CTNNA3: variants seen among roughly 807,000 people sequenced by gnomAD.
CTNNA3 encodes catenin alpha 3, also known as catenin alpha-3.
In CTNNA3, 76 loss-of-function variants were observed where a neutral mutation model predicts 95.7. The observed-to-expected ratio is 0.79, with a 90% CI of 0.66 to 0.96. The LOEUF (loss-of-function observed/expected upper bound fraction) is 0.96, where lower values mean the gene tolerates loss of function less well. CTNNA3 is among the 40% of genes least tolerant of loss of function. The probability of loss-of-function intolerance (pLI) is 0.00; values close to 1 mark genes in which losing one functional copy is unlikely to be tolerated. For synonymous variants in CTNNA3, 431 were observed against 374.4 expected (o/e 1.15, Z -1.74); for missense variants, 1,191 against 1,089.8 (o/e 1.09, Z -1.31).
At chr10:67,207,426 T>C (rs1863952185) in intron 6 of CTNNA3, among the ~76,000 whole-genome samples, 2 of 152,170 alleles carry the variant, frequency 1.3e-5, no homozygotes, top group African/African-American at 2.4e-5. Flanking sequence ...GATAGAACTT[T>C]ATAAAATAAA....
intron 10 of CTNNA3, among the ~76,000 whole-genome samples, chr10:66,593,571 C>G (rs1012381538): frequency 7.9e-5 from 12 of 152,100 alleles, no homozygotes; most frequent in Non-Finnish European, 1.8e-4. Flanking sequence ...TTGAATATCA[C>G]TACTTTAAGT....
intron 9 of CTNNA3, among the ~76,000 whole-genome samples, chr10:66,676,731 C>T (rs1259348254): frequency 6.6e-6 from 1 of 151,996 alleles, no homozygotes; most frequent in Admixed American, 6.6e-5. Flanking sequence ...GTAATTTATA[C>T]AAATAAAATA....
At chr10:67,098,982 A>C (rs1486836035) in intron 7 of CTNNA3, 1 of 151,914 alleles carries the variant, frequency 6.6e-6, no homozygotes. Flanking sequence ...CTCCTGAGGA[A>C]GAATTTTAAA....
At chr10:66,534,218 G>A (rs35813695) in intron 10 of CTNNA3, among the ~76,000 whole-genome samples, 4,011 of 151,986 alleles carry the variant, frequency 0.026, 238 homozygotes, top group East Asian at 0.23. Flanking sequence ...ATATTACTTG[G>A]TTAGCTAGAG....
chr10:67,188,728 A>G (rs1331180572), intron 6 of CTNNA3, among the ~76,000 whole-genome samples: 2 of 152,190 alleles, frequency 1.3e-5, no homozygotes, highest in Non-Finnish European at 2.9e-5. Context: ...AATAGCCAAG[A>G]TATGGAATCA....
intron 13 of CTNNA3, among the ~76,000 whole-genome samples, chr10:66,254,281 G>A (rs1227942967): frequency 1.3e-5 from 2 of 152,114 alleles, no homozygotes; most frequent in African/African-American, 4.8e-5. Context: ...CATGCATCTG[G>A]TACCAAGCTC....
intron 11 of CTNNA3, among the ~76,000 whole-genome samples, chr10:66,448,785 A>T (rs2093442506): frequency 1.3e-5 from 2 of 152,096 alleles, no homozygotes; most frequent in African/African-American, 4.8e-5. Flanking sequence ...TATGTAACAA[A>T]CCTGCATATT....
intron 15 of CTNNA3, among the ~76,000 whole-genome samples, chr10:66,040,715 G>A (rs935174573): frequency 2.0e-5 from 3 of 152,084 alleles, no homozygotes; most frequent in African/African-American, 7.2e-5. Flanking sequence ...ACAGACACTG[G>A]CGCCTACTGG....
At chr10:67,097,221 T>G (rs143904324) in intron 7 of CTNNA3, among the ~76,000 whole-genome samples, 1 of 151,996 alleles carries the variant, frequency 6.6e-6, no homozygotes, top group East Asian at 1.9e-4. Flanking sequence ...AATAGGATAA[T>G]TAACACTAAT....
intron 3 of CTNNA3, among the ~76,000 whole-genome samples, chr10:67,586,008 T>A (rs1247194966): frequency 6.6e-6 from 1 of 152,166 alleles, no homozygotes; most frequent in Non-Finnish European, 1.5e-5. Context: ...TCTCACAGAT[T>A]TTGGTATGTT....
At chr10:66,811,722 G>A (rs1365121495) in intron 7 of CTNNA3, among the ~76,000 whole-genome samples, 2 of 152,124 alleles carry the variant, frequency 1.3e-5, no homozygotes, top group Non-Finnish European at 2.9e-5. Flanking sequence ...TAGGAATTGT[G>A]CATGATCGCT....
chr10:67,573,088 C>T (rs146644770), intron 3 of CTNNA3, among the ~76,000 whole-genome samples: 3 of 151,982 alleles, frequency 2.0e-5, no homozygotes, highest in Non-Finnish European at 4.4e-5. Context: ...GACCCTGTGT[C>T]AAAAATAAAA....
intron 17 of CTNNA3, among the ~76,000 whole-genome samples, chr10:65,951,110 A>G (rs1343262406): frequency 6.6e-6 from 1 of 152,220 alleles, no homozygotes; most frequent in East Asian, 1.9e-4. Context: ...CTCCTGAAGG[A>G]GCTGATCTCA....
chr10:66,621,805 A>G, intron 9 of CTNNA3, 21 bp from the exon 10 acceptor site: 2 of 1,494,668 alleles, frequency 1.3e-6, no homozygotes, highest in South Asian at 2.4e-5. Flanking sequence ...ATCCAAAATA[A>G]TGGAAATTAT....
intron 5 of CTNNA3, among the ~76,000 whole-genome samples, chr10:67,485,269 G>T (rs1589344741): frequency 6.6e-6 from 1 of 152,142 alleles, no homozygotes; most frequent in Non-Finnish European, 1.5e-5. Context: ...CTAAACATTG[G>T]ATACTCATGG....
At chr10:66,587,352 C>T (rs753534501) in intron 10 of CTNNA3, among the ~76,000 whole-genome samples, 1 of 152,098 alleles carries the variant, frequency 6.6e-6, no homozygotes, top group Non-Finnish European at 1.5e-5. Flanking sequence ...TAGAAAAGCA[C>T]CAGCTGTGGA....
At chr10:66,708,839 A>G (rs1259924775) in intron 9 of CTNNA3, among the ~76,000 whole-genome samples, 2 of 152,126 alleles carry the variant, frequency 1.3e-5, no homozygotes, top group East Asian at 3.9e-4. Context: ...ATTCACCACT[A>G]CCATGGAAAT....
intron 5 of CTNNA3, among the ~76,000 whole-genome samples, chr10:67,483,621 G>T (rs575316452): frequency 3.9e-4 from 59 of 151,628 alleles, no homozygotes; most frequent in African/African-American, 1.3e-3. Flanking sequence ...GGTGGCGGGA[G>T]GGGGGAGGAA....
At chr10:67,232,719 T>C (rs547147403) in intron 5 of CTNNA3, among the ~76,000 whole-genome samples, 3,751 of 151,800 alleles carry the variant, frequency 0.025, 152 homozygotes, top group African/African-American at 0.085. Flanking sequence ...GACTGGCAAA[T>C]TGGATAAAGA....
Sources: gnomAD v4.1 joint callset for allele counts (sites outside exome capture counted in the v4.1 genomes callset) on GRCh38, gnomAD v4.1.1 for gene constraint, MANE v1.5 for transcripts, NCBI Gene and HGNC (gene_info 2026-07-23, HGNC 2026-07-21) for gene names.